Variants in AGBL4 observed in about 807,000 individuals in gnomAD.
AGBL4 encodes the protein AGBL carboxypeptidase 4, also known as cytosolic carboxypeptidase 6.
In AGBL4, 58 loss-of-function variants were observed where a neutral mutation model predicts 66.4. The observed-to-expected ratio is 0.87, with a 90% CI of 0.71 to 1.09. The LOEUF (loss-of-function observed/expected upper bound fraction) is 1.09, where lower values mean the gene tolerates loss of function less well. Among genes scored for constraint, AGBL4 ranks in the 50% least tolerant of loss-of-function variants. The pLI, the probability that AGBL4 is intolerant of heterozygous loss-of-function variation, is 0.00. For synonymous variants in AGBL4, 234 were observed against 222.9 expected (o/e 1.05, Z -0.44); for missense variants, 579 against 631.0 (o/e 0.92, Z 0.88).
chr1:48,974,986 C>A (rs1407289778), intron 5 of AGBL4, among the ~76,000 whole-genome samples: 3 of 152,038 alleles, frequency 2.0e-5, no homozygotes, highest in Admixed American at 6.6e-5. Flanking sequence ...TCCCACAGAT[C>A]ATCCCAATGG....
At chr1:49,736,330 C>G (rs1649887778) in intron 2 of AGBL4, among the ~76,000 whole-genome samples, 1 of 151,778 alleles carries the variant, frequency 6.6e-6, no homozygotes, top group Admixed American at 6.6e-5. Context: ...AGAGTAACCT[C>G]TAATTTCTTT....
At chr1:49,620,619 T>C (rs1471766780) in intron 3 of AGBL4, among the ~76,000 whole-genome samples, 1 of 152,166 alleles carries the variant, frequency 6.6e-6, no homozygotes, top group African/African-American at 2.4e-5. Context: ...AATTATATTA[T>C]GTATATAACC....
At chr1:49,742,003 C>T (rs908540601) in intron 2 of AGBL4, among the ~76,000 whole-genome samples, 17 of 152,294 alleles carry the variant, frequency 1.1e-4, no homozygotes, top group Middle Eastern at 3.4e-3. Flanking sequence ...GACAGGGATG[C>T]CCTCTCTCGC....
intron 6 of AGBL4, among the ~76,000 whole-genome samples, chr1:48,721,367 A>G (rs1476975114): frequency 6.6e-6 from 1 of 152,166 alleles, no homozygotes; most frequent in African/African-American, 2.4e-5. Context: ...GGTGGCCATG[A>G]ATGAGAAATG....
At chr1:48,612,128 C>T (rs1645248371) in intron 9 of AGBL4, among the ~76,000 whole-genome samples, 2 of 152,230 alleles carry the variant, frequency 1.3e-5, no homozygotes, top group Non-Finnish European at 2.9e-5. Flanking sequence ...CCAGAGTGTG[C>T]TCAATACTTT....
intron 1 of AGBL4, among the ~76,000 whole-genome samples, chr1:49,931,964 G>C (rs904966479): frequency 3.3e-5 from 5 of 152,008 alleles, no homozygotes; most frequent in African/African-American, 1.2e-4. Flanking sequence ...AAAATGTTTT[G>C]AACACCGACA....
intron 3 of AGBL4, among the ~76,000 whole-genome samples, chr1:49,602,127 T>C (rs1157867765): frequency 6.6e-6 from 1 of 151,960 alleles, no homozygotes; most frequent in Non-Finnish European, 1.5e-5. Flanking sequence ...AGAAATGCAA[T>C]TGAAAACCAC....
rs60862640 is a variant in AGBL4 at position 49,603,929 on chromosome 1, T to TACAC, written c.282+93380_282+93383dup. The stretch of plus-strand genomic sequence containing the variant: ...TACAGGTGATTAGTATTCCATGGTA[T>TACAC]ACACACACACACACACACACACACA... On this transcript the variant is annotated intron_variant, in intron 3 of 13. Coordinates refer to ENST00000371839, the MANE Select transcript of AGBL4 (RefSeq NM_032785.4). Among the ~76,000 whole-genome samples the TACAC allele has an allele frequency of 5.6e-3, 784 of 140,618 alleles. 3 individuals carry two copies. Among genetic ancestry groups the TACAC allele is most frequent in the East Asian group, 0.015 (70 of 4,634 alleles). The allele number at this position is 140,618 out of a possible 152,430, so 92.3% of individuals were successfully genotyped here.
intron 6 of AGBL4, among the ~76,000 whole-genome samples, chr1:48,825,254 C>T (rs904997523): frequency 2.6e-5 from 4 of 152,196 alleles, no homozygotes; most frequent in African/African-American, 9.6e-5. Context: ...TAGCGCAACC[C>T]GCCTTCTCAC....
chr1:49,603,677 A>C (rs1186062218), intron 3 of AGBL4, among the ~76,000 whole-genome samples: 2 of 152,132 alleles, frequency 1.3e-5, no homozygotes. Context: ...CAAGTGGTGT[A>C]CATTATACCC....
In AGBL4 at chr1:49,265,921, C is replaced by T. The variant is rs1210081983; in HGVS notation, c.283-20057G>A. On this transcript the variant is annotated intron_variant, in intron 3 of 13. Transcript: ENST00000371839. Reference sequence around the variant, plus strand: ...TCATATGTATGATTATGCTAAGTCTCCTGCCCATGAAGAACCAAAAAGTTG... The same window carrying T: ...TCATATGTATGATTATGCTAAGTCTTCTGCCCATGAAGAACCAAAAAGTTG... Among the ~76,000 whole-genome samples the T allele has an allele frequency of 2.6e-5, 4 of 152,144 alleles. No homozygotes were observed. In the East Asian group the frequency reaches 7.7e-4, roughly 29 times the overall value.
rs981222863 is a variant in AGBL4 at position 49,710,533 on chromosome 1, C to T, written c.158-13096G>A. On this transcript the variant is annotated intron_variant, in intron 2 of 13. Transcript: ENST00000371839. ...AGCAAACCACCATGGCCCATATATA[C>T]CTATGTAATAAACCTGCACGTTCTG... is the stretch of plus-strand genomic sequence containing the variant. Among the ~76,000 whole-genome samples, 9 of 151,972 alleles carry T rather than the reference C, an allele frequency of 5.9e-5. 1 individual carries two copies. The highest frequency in any genetic ancestry group is 2.2e-4 in the African/African-American group (9 of 41,464).
intron 4 of AGBL4, among the ~76,000 whole-genome samples, chr1:49,221,595 A>G (rs571175560): frequency 1.3e-5 from 2 of 152,314 alleles, no homozygotes; most frequent in South Asian, 4.1e-4. Flanking sequence ...CACCGTTTAC[A>G]AACCATATTC....
At chr1:49,515,495 C>G (rs971881514) in intron 3 of AGBL4, among the ~76,000 whole-genome samples, 1 of 151,976 alleles carries the variant, frequency 6.6e-6, no homozygotes, top group African/African-American at 2.4e-5. Flanking sequence ...CCTCAGGGAT[C>G]TAGAACTAGA....
At chr1:49,424,832 CA>C (rs1645621763) in intron 3 of AGBL4, among the ~76,000 whole-genome samples, 1 of 152,100 alleles carries the variant, frequency 6.6e-6, no homozygotes, top group African/African-American at 2.4e-5. Flanking sequence ...GTTACAGAGT[CA>C]GGGGAATGAA....
intron 2 of AGBL4, among the ~76,000 whole-genome samples, chr1:49,761,131 G>GT (rs559439979): frequency 0.015 from 1,978 of 135,948 alleles, 13 homozygotes; most frequent in Non-Finnish European, 0.019. Flanking sequence ...CATGCATCCC[G>GT]TTTTTTTTTT....
At chr1:49,405,177 A>G (rs1019277737) in intron 3 of AGBL4, among the ~76,000 whole-genome samples, 8 of 152,142 alleles carry the variant, frequency 5.3e-5, no homozygotes, top group African/African-American at 1.7e-4. Flanking sequence ...TCAGTATCCT[A>G]CTTCACAGAG....
intron 3 of AGBL4, among the ~76,000 whole-genome samples, chr1:49,395,803 A>G (rs1212773272): frequency 3.1e-5 from 4 of 128,972 alleles, no homozygotes; most frequent in Non-Finnish European, 6.5e-5. Context: ...ATATATACAT[A>G]TATATATGTA....
At chr1:49,252,501 A>G (rs1222960295) in intron 3 of AGBL4, among the ~76,000 whole-genome samples, 2 of 152,246 alleles carry the variant, frequency 1.3e-5, no homozygotes, top group Non-Finnish European at 2.9e-5. Flanking sequence ...GATATCATCA[A>G]TTAGAACTTC....
Sources: allele counts gnomAD v4.1 joint callset (sites outside exome capture counted in the v4.1 genomes callset), GRCh38; gene constraint gnomAD v4.1.1; transcripts MANE v1.5; gene names NCBI Gene and HGNC (gene_info 2026-07-23, HGNC 2026-07-21).